DLC1: variants seen among roughly 807,000 people sequenced by gnomAD.
DLC1 encodes rho GTPase-activating protein 7.
A neutral mutation model predicts 140.3 loss-of-function variants in DLC1; 54 were observed. The observed-to-expected ratio is 0.38, with a 90% CI of 0.31 to 0.48. DLC1 has a LOEUF of 0.48. Ranked by LOEUF, DLC1 falls within the 20% of genes least tolerant of loss-of-function variation. The pLI is 0.96. For missense variants in DLC1, 2,536 were observed against 1,907.0 expected (o/e 1.33, Z -6.14); for synonymous variants, 986 against 728.1 (o/e 1.35, Z -5.70).
chr8:13,160,408 C>A (rs1824600316), intron 5 of DLC1: 2 of 152,190 alleles, frequency 1.3e-5, no homozygotes, highest in Non-Finnish European at 2.9e-5. Context: ...AGAAAATATT[C>A]CAGTACCTGT....
intron 1 of DLC1, among the ~76,000 whole-genome samples, chr8:13,574,428 G>A (rs1174224310): frequency 6.6e-6 from 1 of 151,950 alleles, no homozygotes; most frequent in African/African-American, 2.4e-5. Flanking sequence ...ATTCAAAGGG[G>A]GTTGGATATC....
At chr8:13,208,040 AT>A (rs1827760401) in intron 5 of DLC1, among the ~76,000 whole-genome samples, 1 of 152,200 alleles carries the variant, frequency 6.6e-6, no homozygotes, top group Admixed American at 6.6e-5. Flanking sequence ...TCACCATAGT[AT>A]TTTGATTTAA....
intron 2 of DLC1, among the ~76,000 whole-genome samples, chr8:13,438,808 C>T (rs1470548501): frequency 6.6e-6 from 1 of 152,144 alleles, no homozygotes; most frequent in Non-Finnish European, 1.5e-5. Flanking sequence ...GATTACTCTC[C>T]ATCCACTCTG....
chr8:13,441,442 T>C (rs1798505994), intron 2 of DLC1, among the ~76,000 whole-genome samples: 1 of 152,216 alleles, frequency 6.6e-6, no homozygotes, highest in Admixed American at 6.5e-5. Context: ...GACAACATGA[T>C]TGTATATCTA....
chr8:13,138,999 G>A (rs1822769959), intron 5 of DLC1, among the ~76,000 whole-genome samples: 1 of 152,060 alleles, frequency 6.6e-6, no homozygotes. Flanking sequence ...TTTTAAGAGA[G>A]AGAAGCTGGG....
chr8:13,578,549 G>A (rs1185804287), intron 1 of DLC1, among the ~76,000 whole-genome samples: 1 of 151,922 alleles, frequency 6.6e-6, no homozygotes, highest in African/African-American at 2.4e-5. Context: ...CCTATAGCAG[G>A]TAATATTAAC....
rs757114486 is a variant in DLC1 at position 13,195,156 on chromosome 8, T to C, written c.1349-79499A>G. 5.3e-5 allele frequency among the ~76,000 whole-genome samples: 8 copies of C among 152,350 alleles called. No homozygotes were observed. In the East Asian group the frequency reaches 1.3e-3, roughly 26 times the overall value. On this transcript the variant is annotated intron_variant, in intron 5 of 17. Transcript: ENST00000276297. ...TGGCCCAAACCAATACTATATGATA[T>C]TCCTTCACATGGGAAAGAATAGCTA...
intron 5 of DLC1, among the ~76,000 whole-genome samples, chr8:13,169,789 C>G (rs773440858): frequency 9.9e-5 from 15 of 151,720 alleles, no homozygotes; most frequent in Non-Finnish European, 1.8e-4. Flanking sequence ...TTTGGGAGGC[C>G]AAGGTGGGGG....
At chr8:13,137,438 A>G (rs111634630) in intron 5 of DLC1, among the ~76,000 whole-genome samples, 4 of 147,314 alleles carry the variant, frequency 2.7e-5, no homozygotes, top group African/African-American at 7.6e-5. Flanking sequence ...AAATGTTTCA[A>G]TACATCAAAA....
chr8:13,143,687 C>G (rs1393293834), intron 5 of DLC1, among the ~76,000 whole-genome samples: 1 of 151,676 alleles, frequency 6.6e-6, no homozygotes, highest in South Asian at 2.1e-4. Context: ...GCTGGGATTC[C>G]AGGCCTGAGC....
chr8:13,111,452 C>G (rs1242865162), intron 6 of DLC1, among the ~76,000 whole-genome samples: 2 of 152,168 alleles, frequency 1.3e-5, no homozygotes, highest in Non-Finnish European at 2.9e-5. Context: ...AACAGAATCT[C>G]AAATCCTTTA....
In DLC1 at chr8:13,289,870, TA is replaced by T. The variant is rs140992167; in HGVS notation, c.1348+15398del. The stretch of plus-strand genomic sequence containing the variant: ...GCCATGTCTGCATATGGAATTATTT[TA>T]ATTACCTTAAAAGGTTGTTGTCCTT... On this transcript the variant is annotated intron_variant, in intron 5 of 17. Transcript: ENST00000276297. Among the ~76,000 whole-genome samples the T allele has an allele frequency of 4.4e-3, 666 of 152,342 alleles. 2 individuals are homozygous for T. Among genetic ancestry groups the T allele is most frequent in the African/African-American group, 0.015 (643 of 41,578 alleles).
chr8:13,108,257 A>G (rs923008204), intron 7 of DLC1, among the ~76,000 whole-genome samples: 2 of 152,132 alleles, frequency 1.3e-5, no homozygotes, highest in Non-Finnish European at 2.9e-5. Flanking sequence ...CTTTTTTAAA[A>G]AAGAAAATCC....
intron 1 of DLC1, among the ~76,000 whole-genome samples, chr8:13,555,348 T>C (rs895315214): frequency 1.3e-5 from 2 of 152,094 alleles, no homozygotes; most frequent in Non-Finnish European, 2.9e-5. Flanking sequence ...TAATAAGGTA[T>C]TTCAAATGGA....
intron 2 of DLC1, among the ~76,000 whole-genome samples, chr8:13,451,897 T>C (rs2116973734): frequency 6.6e-6 from 1 of 152,336 alleles, no homozygotes; most frequent in African/African-American, 2.4e-5. Context: ...GCAGTAGGAT[T>C]GCTGGATCAT....
chr8:13,480,166 C>T (rs1193107951), intron 2 of DLC1, among the ~76,000 whole-genome samples: 2 of 152,090 alleles, frequency 1.3e-5, no homozygotes, highest in Non-Finnish European at 2.9e-5. Context: ...TGAGAAATAT[C>T]ATCCAGTTTC....
chr8:13,254,458 A>G (rs185629567), intron 5 of DLC1, among the ~76,000 whole-genome samples: 377 of 152,302 alleles, frequency 2.5e-3, no homozygotes, highest in African/African-American at 8.1e-3. Context: ...GCAGATGGAA[A>G]CAAACTATAA....
intron 10 of DLC1, among the ~76,000 whole-genome samples, chr8:13,096,576 G>T (rs927301384): frequency 6.6e-6 from 1 of 151,960 alleles, no homozygotes; most frequent in Non-Finnish European, 1.5e-5. Flanking sequence ...AACACATTAC[G>T]ATCCCCACCG....
At chr8:13,427,648 T>C (rs150856617) in intron 2 of DLC1, among the ~76,000 whole-genome samples, 4 of 152,264 alleles carry the variant, frequency 2.6e-5, no homozygotes, top group African/African-American at 9.6e-5. Context: ...TCTTTCTCAA[T>C]CCCACTTCCC....
Sources: gnomAD v4.1 joint callset for allele counts (sites outside exome capture counted in the v4.1 genomes callset) on GRCh38, gnomAD v4.1.1 for gene constraint, MANE v1.5 for transcripts, NCBI Gene and HGNC (gene_info 2026-07-23, HGNC 2026-07-21) for gene names.